The following MAP3K2 variants were observed in gnomAD, a reference collection of about 807,000 sequenced individuals.
MAP3K2 encodes MAP/ERK kinase kinase 2.
In MAP3K2, 24 loss-of-function variants were observed where a neutral mutation model predicts 80.3. The observed-to-expected ratio is 0.30, with a 90% confidence interval of 0.22 to 0.42. The LOEUF is 0.42. Among genes scored for constraint, MAP3K2 ranks in the 10% least tolerant of loss-of-function variants. MAP3K2 has a pLI of 1.00. For synonymous variants in MAP3K2, 244 were observed against 253.7 expected (o/e 0.96, Z 0.36); for missense variants, 608 against 750.1 (o/e 0.81, Z 2.21).
Position 127,338,958 on chromosome 2 carries a change from C to G in MAP3K2, c.97G>C (p.Ala33Pro). Residue 33 changes from alanine (A) to proline (P), a missense_variant, in exon 3 of 17, where the codon GCA becomes CCA. Ala to Pro is a conservative substitution (Grantham distance 27, BLOSUM62 -1). Transcript: ENST00000682094. ...TGTTTTTTTGGTGATGAAGATTTTG[C>G]TTTTCTGGTTTCCTGCAAGGATAAT... is the stretch of plus-strand genomic sequence containing the variant. ...PALSLQETRK[A>P]KSSSPKKQND... 3.7e-6 allele frequency: 6 copies of G among 1,609,582 alleles called. No individual in the cohort carries two copies. Among genetic ancestry groups the G allele is most frequent in the Non-Finnish European group, 5.1e-6 (6 of 1,178,114 alleles).
intron 1 of MAP3K2, among the ~76,000 whole-genome samples, chr2:127,375,413 TATTTA>T (rs1422640280): frequency 1.0e-4 from 15 of 143,048 alleles, no homozygotes; most frequent in Admixed American, 1.4e-4. Context: ...TTTATTTATT[TATTTA>T]TTTTTTTTTT....
chr2:127,375,187 G>C (rs1040397533), intron 1 of MAP3K2, among the ~76,000 whole-genome samples: 1 of 151,864 alleles, frequency 6.6e-6, no homozygotes, highest in African/African-American at 2.4e-5. Context: ...ATAATGCATC[G>C]AACCATACCA....
At chr2:127,346,970 G>A (rs780078905) in intron 1 of MAP3K2, among the ~76,000 whole-genome samples, 5 of 151,890 alleles carry the variant, frequency 3.3e-5, no homozygotes, top group South Asian at 4.2e-4. Context: ...TAGCCCGCGC[G>A]ACAGAGCGAG....
chr2:127,343,039 T>C (rs1212183107), intron 2 of MAP3K2, 87 bp downstream of exon 2: 1 of 973,384 alleles, frequency 1.0e-6, no homozygotes. Context: ...TATAAAAAGG[T>C]TTATAATAAC....
At chr2:127,326,595 TAA>T in intron 8 of MAP3K2, 90 bp downstream of exon 8, 1 of 858,124 alleles carries the variant, frequency 1.2e-6, no homozygotes, top group Non-Finnish European at 1.7e-6. Context: ...AGAGAAGAGA[TAA>T]TACACACACA....
At chr2:127,338,338 T>G (rs753471537) in intron 3 of MAP3K2, among the ~76,000 whole-genome samples, 7 of 152,154 alleles carry the variant, frequency 4.6e-5, no homozygotes, top group African/African-American at 1.4e-4. Context: ...AAAAAAAATT[T>G]TTTTAACTTT....
At chr2:127,388,177 C>T (rs934316490), upstream of MAP3K2, 2 of 984,804 alleles carry the variant, frequency 2.0e-6, no homozygotes, top group Non-Finnish European at 2.4e-6. Context: ...GGCTCCGCCC[C>T]GGCCTCGGCC....
At chr2:127,319,673 A>AAAAAAAAAAAAAAAAAG (rs1558975361) in intron 12 of MAP3K2, among the ~76,000 whole-genome samples, 1 of 142,496 alleles carries the variant, frequency 7.0e-6, no homozygotes, top group African/African-American at 2.7e-5. Context: ...AAAAAAAAAA[A>AAAAAAAAAAAAAAAAAG]AAAAAGAAAA....
In MAP3K2 at chr2:127,346,409, TTAAAAAAA is replaced by T. The variant is rs572613234; in HGVS notation, c.-65-3223_-65-3216del. Among the ~76,000 whole-genome samples, 100 of 85,366 alleles carry T rather than the reference TTAAAAAAA, an allele frequency of 1.2e-3. 1 individual carries two copies. The highest frequency in any genetic ancestry group is 9.1e-3 in the Middle Eastern group (1 of 110). 56.0% of individuals were successfully genotyped at this position (85,366 alleles called of 152,430 possible). A position where few individuals can be genotyped will look rare whatever the true frequency, so the allele number is the denominator to read the frequency against. On this transcript the variant is annotated intron_variant, in intron 1 of 16. Coordinates refer to ENST00000682094, the MANE Select transcript of MAP3K2 (RefSeq NM_001371910.2). ...TTTACAGAATTTACAAAAACTGGTT[TTAAAAAAA>T]AAAAAAAAAAAAAAAGAAGGAACAC...
At chr2:127,350,067 C>CA (rs763417886) in intron 1 of MAP3K2, among the ~76,000 whole-genome samples, 1 of 151,996 alleles carries the variant, frequency 6.6e-6, no homozygotes, top group Non-Finnish European at 1.5e-5. Flanking sequence ...CTGATGTCTG[C>CA]AAGTACCAAT....
chr2:127,311,790 T>C lies in MAP3K2; in HGVS notation c.1456+2964A>G, dbSNP rs1685812091. ...ATCAAATATATAGTCGGTGTTCAAT[T>C]TGTTACATTAAAAAAAACTAGAATC... is the stretch of plus-strand genomic sequence containing the variant. On this transcript the variant is annotated intron_variant, in intron 15 of 16. Coordinates refer to ENST00000682094, the MANE Select transcript of MAP3K2 (RefSeq NM_001371910.2). Among the ~76,000 whole-genome samples, 3 of 152,344 alleles carry C rather than the reference T, an allele frequency of 2.0e-5. No homozygotes were observed. The South Asian group carries it at 6.2e-4, about 32-fold the overall frequency.
At chr2:127,331,869 G>A (rs1463199347) in intron 5 of MAP3K2, among the ~76,000 whole-genome samples, 1 of 152,194 alleles carries the variant, frequency 6.6e-6, no homozygotes, top group Non-Finnish European at 1.5e-5. Context: ...GCCTTCCAAA[G>A]TGCTGGGATT....
intron 15 of MAP3K2, among the ~76,000 whole-genome samples, chr2:127,312,892 G>T (rs1480268452): frequency 1.3e-5 from 2 of 150,346 alleles, no homozygotes; most frequent in African/African-American, 2.5e-5. Flanking sequence ...AACCCAGGGT[G>T]GGGGCGGAGG....
At chr2:127,314,729 A>C in intron 15 of MAP3K2, 25 bp downstream of exon 15, 2 of 1,561,796 alleles carry the variant, frequency 1.3e-6, no homozygotes, top group South Asian at 2.3e-5. Context: ...TGTGTACTTA[A>C]AATAGAAAAT....
intron 1 of MAP3K2, among the ~76,000 whole-genome samples, chr2:127,350,272 A>G (rs907181494): frequency 6.6e-6 from 1 of 151,290 alleles, no homozygotes; most frequent in African/African-American, 2.4e-5. Flanking sequence ...TTGAGCATCA[A>G]AATAAAAATA....
At position 127,341,517 on chromosome 2, in the gene MAP3K2, G is replaced by GTT. The variant is rs71336233; in HGVS notation, c.4+1607_4+1608dup. Reference sequence around the variant, plus strand: ...ACGTACTTATGGGTAAGTACAATGGGTTTTTTTTTGTTGTTTTTTTTTTTT... The same window carrying GTT: ...ACGTACTTATGGGTAAGTACAATGGGTTTTTTTTTTTGTTGTTTTTTTTTTTT... On this transcript the variant is annotated intron_variant, in intron 2 of 16. Transcript: ENST00000682094. Among the ~76,000 whole-genome samples, 338 of 121,152 alleles carry GTT rather than the reference G, an allele frequency of 2.8e-3. 3 individuals are homozygous for GTT. Among genetic ancestry groups the GTT allele is most frequent in the African/African-American group, 8.2e-3 (248 of 30,414 alleles). The allele number at this position is 121,152 out of a possible 152,430, so 79.5% of individuals were successfully genotyped here. A position where few individuals can be genotyped will look rare whatever the true frequency, so the allele number is the denominator to read the frequency against.
chr2:127,334,672 G>A lies in MAP3K2; in HGVS notation c.264+1198C>T, dbSNP rs192543785. ...TTGCCTAGGCTAGTCTTGAACTCCC[G>A]GCCTCAGGTGATCCTCCTGCCTTGG... On this transcript the variant is annotated intron_variant, in intron 5 of 16. Coordinates refer to ENST00000682094, the MANE Select transcript of MAP3K2 (RefSeq NM_001371910.2). Among the ~76,000 whole-genome samples, 360 of 152,210 alleles carry A rather than the reference G, an allele frequency of 2.4e-3. 6 individuals are homozygous for A. The highest frequency in any genetic ancestry group is 7.7e-3 in the African/African-American group (319 of 41,546).
chr2:127,331,011 T>A (rs866405567), intron 5 of MAP3K2, among the ~76,000 whole-genome samples: 3 of 152,140 alleles, frequency 2.0e-5, no homozygotes, highest in South Asian at 2.1e-4. Flanking sequence ...GTACCACTAG[T>A]AACATATCTG....
intron 2 of MAP3K2, among the ~76,000 whole-genome samples, chr2:127,340,431 G>C (rs1686454339): frequency 6.6e-6 from 1 of 152,136 alleles, no homozygotes; most frequent in Non-Finnish European, 1.5e-5. Context: ...GGCCGAGGGG[G>C]GCAGATCATA....
Sources: allele counts gnomAD v4.1 joint callset (sites outside exome capture counted in the v4.1 genomes callset), GRCh38; gene constraint gnomAD v4.1.1; transcripts MANE v1.5; gene names NCBI Gene and HGNC (gene_info 2026-07-23, HGNC 2026-07-21).